The following STMN2 variants were observed in gnomAD, a reference collection of about 807,000 sequenced individuals.
STMN2 encodes the protein stathmin 2.
In STMN2, 2 loss-of-function variants were observed where a neutral mutation model predicts 24.1. The observed-to-expected ratio is 0.08, with a 90% confidence interval of 0.03 to 0.26. The LOEUF (loss-of-function observed/expected upper bound fraction) is 0.26, where lower values mean the gene tolerates loss of function less well. Among genes scored for constraint, STMN2 ranks in the 10% least tolerant of loss-of-function variants. STMN2 has a pLI of 1.00. For missense variants in STMN2, 114 were observed against 213.6 expected, an observed-to-expected ratio of 0.53 and a Z score of 2.91; for synonymous variants, 83 against 77.5, an observed-to-expected ratio of 1.07 and a Z score of -0.37.
intron 1 of STMN2, chr8:79,613,532 T>C: frequency 1.0e-6 from 1 of 985,508 alleles, no homozygotes; most frequent in Non-Finnish European, 1.2e-6. Flanking sequence ...CTCGCCTCGC[T>C]TTCTGCACCC....
At chr8:79,640,697 A>G (rs1474707812) in intron 2 of STMN2, among the ~76,000 whole-genome samples, 2 of 152,232 alleles carry the variant, frequency 1.3e-5, no homozygotes, top group Admixed American at 6.5e-5. Context: ...TGATGTTGTC[A>G]TCCCTGGAGT....
intron 1 of STMN2, among the ~76,000 whole-genome samples, chr8:79,633,776 C>A (rs1020065869): frequency 1.3e-5 from 2 of 152,130 alleles, no homozygotes; most frequent in African/African-American, 4.8e-5. Context: ...ACAAATTTTG[C>A]GGGGACACAA....
intron 3 of STMN2, among the ~76,000 whole-genome samples, chr8:79,653,752 C>G (rs548927615): frequency 1.3e-5 from 2 of 152,202 alleles, no homozygotes; most frequent in Non-Finnish European, 2.9e-5. Context: ...GATATTCCCA[C>G]TTATAATTAC....
intron 2 of STMN2, among the ~76,000 whole-genome samples, chr8:79,640,178 A>G (rs1199437202): frequency 6.6e-6 from 1 of 152,154 alleles, no homozygotes; most frequent in African/African-American, 2.4e-5. Flanking sequence ...CCAGCCTGGC[A>G]AAAGAGGGAA....
chr8:79,627,394 A>G (rs1335694133), intron 1 of STMN2, among the ~76,000 whole-genome samples: 2 of 152,198 alleles, frequency 1.3e-5, no homozygotes, highest in African/African-American at 4.8e-5. Context: ...TTTCTGTGAC[A>G]GATAAAATGC....
chr8:79,656,127 C>A (rs1399205868), intron 4 of STMN2, among the ~76,000 whole-genome samples: 1 of 152,150 alleles, frequency 6.6e-6, no homozygotes, highest in African/African-American at 2.4e-5. Context: ...CTGCAAATAT[C>A]CAACTAGAAA....
At chr8:79,630,552 C>A (rs73254084) in intron 1 of STMN2, among the ~76,000 whole-genome samples, 3 of 152,170 alleles carry the variant, frequency 2.0e-5, no homozygotes, top group African/African-American at 7.2e-5. Flanking sequence ...AAACATTCTG[C>A]ATAGGAAGTG....
intron 4 of STMN2, among the ~76,000 whole-genome samples, chr8:79,659,694 C>T (rs190593963): frequency 1.6e-4 from 25 of 152,274 alleles, no homozygotes; most frequent in African/African-American, 5.8e-4. Flanking sequence ...TACGTGTAAA[C>T]ATATTGACCA....
At chr8:79,626,868 A>G (rs988589590) in intron 1 of STMN2, among the ~76,000 whole-genome samples, 1 of 152,218 alleles carries the variant, frequency 6.6e-6, no homozygotes, top group Non-Finnish European at 1.5e-5. Flanking sequence ...AGTAAGGGCT[A>G]AGGTCTGTGA....
At chr8:79,655,238 G>A (rs903044680) in intron 4 of STMN2, among the ~76,000 whole-genome samples, 176 bp downstream of exon 4, 1 of 152,124 alleles carries the variant, frequency 6.6e-6, no homozygotes, top group Non-Finnish European at 1.5e-5. Flanking sequence ...GTGCAACATG[G>A]TAGAGAAATG....
intron 1 of STMN2, among the ~76,000 whole-genome samples, chr8:79,618,001 A>G (rs1329539436): frequency 6.6e-6 from 1 of 152,240 alleles, no homozygotes; most frequent in African/African-American, 2.4e-5. Flanking sequence ...AGTTAGTCAG[A>G]TCCAGAATTT....
At chr8:79,641,623 T>TCACTCACAC in intron 3 of STMN2, 73 bp downstream of exon 3, 1 of 521,016 alleles carries the variant, frequency 1.9e-6, no homozygotes, top group Non-Finnish European at 3.0e-6. Flanking sequence ...CGGGCACACA[T>TCACTCACAC]GCACGCACAC....
At chr8:79,617,053 T>G (rs1336122918) in intron 1 of STMN2, among the ~76,000 whole-genome samples, 4 of 152,254 alleles carry the variant, frequency 2.6e-5, no homozygotes, top group Non-Finnish European at 2.9e-5. Context: ...TGTCTCAATA[T>G]ATCTTATATT....
chr8:79,612,035 G>A (rs1259690142), intron 1 of STMN2, among the ~76,000 whole-genome samples: 1 of 152,100 alleles, frequency 6.6e-6, no homozygotes, highest in Non-Finnish European at 1.5e-5. Context: ...CGCACAATGC[G>A]GACAGCCCCA....
intron 1 of STMN2, among the ~76,000 whole-genome samples, chr8:79,618,628 A>G (rs539349086): frequency 6.6e-6 from 1 of 152,210 alleles, no homozygotes; most frequent in African/African-American, 2.4e-5. Flanking sequence ...ATTTTTAATT[A>G]TCTTTTAATA....
chr8:79,649,931 T>C (rs893002297), intron 3 of STMN2, among the ~76,000 whole-genome samples: 2 of 152,224 alleles, frequency 1.3e-5, no homozygotes, highest in African/African-American at 2.4e-5. Context: ...TCCTGTCTCA[T>C]TGTTTTTCGC....
chr8:79,643,428 G>A (rs1810154240), intron 3 of STMN2, among the ~76,000 whole-genome samples: 1 of 151,964 alleles, frequency 6.6e-6, no homozygotes, highest in South Asian at 2.1e-4. Flanking sequence ...TCTGACCCAA[G>A]CACTGGCATC....
chr8:79,626,243 G>A (rs193242816), intron 1 of STMN2, among the ~76,000 whole-genome samples: 1 of 152,228 alleles, frequency 6.6e-6, no homozygotes, highest in East Asian at 1.9e-4. Flanking sequence ...ACTAGTATTG[G>A]AGCTAAAATA....
intron 1 of STMN2, among the ~76,000 whole-genome samples, chr8:79,626,122 T>C (rs182959734): frequency 1.7e-4 from 25 of 145,842 alleles, no homozygotes; most frequent in Admixed American, 1.4e-3. Flanking sequence ...AATAAACTCA[T>C]GTTCAGAAGG....
Sources: allele counts gnomAD v4.1 joint callset (sites outside exome capture counted in the v4.1 genomes callset), GRCh38; gene constraint gnomAD v4.1.1; transcripts MANE v1.5; gene names NCBI Gene and HGNC (gene_info 2026-07-23, HGNC 2026-07-21).